Variants in HS3ST5 observed in about 807,000 individuals in gnomAD.
HS3ST5 encodes the protein heparan sulfate glucosamine 3-O-sulfotransferase 5.
In HS3ST5, 10 loss-of-function variants were observed where a neutral mutation model predicts 25.4. That is an observed-to-expected ratio of 0.39 (90% CI 0.24 to 0.67). The LOEUF is 0.67. Among genes scored for constraint, HS3ST5 ranks in the 30% least tolerant of loss-of-function variants. The pLI, the probability that HS3ST5 is intolerant of heterozygous loss-of-function variation, is 0.44. For missense variants in HS3ST5, 324 were observed against 420.7 expected, an observed-to-expected ratio of 0.77 and a Z score of 2.01; for synonymous variants, 170 against 162.4, an observed-to-expected ratio of 1.05 and a Z score of -0.36.
At chr6:114,169,188 A>AAT (rs1364548605) in intron 2 of HS3ST5, among the ~76,000 whole-genome samples, 3 of 152,266 alleles carry the variant, frequency 2.0e-5, no homozygotes, top group African/African-American at 7.2e-5. Flanking sequence ...TCATTTCACT[A>AAT]ATATATATTC....
At chr6:114,118,335 T>A (rs1238439450) in intron 3 of HS3ST5, among the ~76,000 whole-genome samples, 1 of 152,158 alleles carries the variant, frequency 6.6e-6, no homozygotes, top group African/African-American at 2.4e-5. Flanking sequence ...CTATATATAG[T>A]CAGGCAGGTA....
At chr6:114,325,116 T>C (rs1054122197) in intron 1 of HS3ST5, among the ~76,000 whole-genome samples, 14 of 152,214 alleles carry the variant, frequency 9.2e-5, no homozygotes, top group Non-Finnish European at 1.9e-4. Flanking sequence ...AATGAATGAA[T>C]TGCTAGGTTT....
chr6:114,277,185 C>T (rs1460670372), intron 1 of HS3ST5, among the ~76,000 whole-genome samples: 1 of 150,786 alleles, frequency 6.6e-6, no homozygotes, highest in Non-Finnish European at 1.5e-5. Flanking sequence ...TCACTTCCTC[C>T]TCTATAAGGA....
intron 1 of HS3ST5, among the ~76,000 whole-genome samples, chr6:114,334,346 C>T (rs148854630): frequency 2.9e-4 from 44 of 152,278 alleles, no homozygotes; most frequent in African/African-American, 1.1e-3. Flanking sequence ...TATATTGTTG[C>T]ATTCAGCTCA....
At chr6:114,101,686 A>ATGT (rs1775741298) in intron 3 of HS3ST5, among the ~76,000 whole-genome samples, 1 of 152,220 alleles carries the variant, frequency 6.6e-6, no homozygotes, top group Non-Finnish European at 1.5e-5. Context: ...TGACCCAGCA[A>ATGT]TCCCATTATT....
intron 1 of HS3ST5, among the ~76,000 whole-genome samples, chr6:114,249,372 A>C (rs187736249): frequency 1.3e-5 from 2 of 152,370 alleles, no homozygotes; most frequent in East Asian, 3.8e-4. Context: ...AAGTTACTAG[A>C]AATAACTTGT....
At chr6:114,312,631 G>C (rs1311343652) in intron 1 of HS3ST5, among the ~76,000 whole-genome samples, 1 of 151,290 alleles carries the variant, frequency 6.6e-6, no homozygotes, top group African/African-American at 2.5e-5. Flanking sequence ...TACATGTAAT[G>C]ACAAAAGACC....
At chr6:114,331,123 T>A (rs1776376889) in intron 1 of HS3ST5, among the ~76,000 whole-genome samples, 1 of 152,220 alleles carries the variant, frequency 6.6e-6, no homozygotes, top group African/African-American at 2.4e-5. Context: ...AATGGCTGAT[T>A]GTTATTGTGA....
intron 1 of HS3ST5, among the ~76,000 whole-genome samples, chr6:114,271,544 T>A (rs1008868799): frequency 6.6e-6 from 1 of 152,004 alleles, no homozygotes; most frequent in Admixed American, 6.6e-5. Flanking sequence ...ATATATTCTA[T>A]ACCTAAGAAG....
chr6:114,065,441 CTG>C (rs1773395097), intron 3 of HS3ST5, among the ~76,000 whole-genome samples: 1 of 152,178 alleles, frequency 6.6e-6, no homozygotes, highest in Non-Finnish European at 1.5e-5. Flanking sequence ...AGAAAGAAAA[CTG>C]TGTTCAAGTC....
intron 3 of HS3ST5, among the ~76,000 whole-genome samples, chr6:114,163,554 A>G (rs1299685006): frequency 6.6e-6 from 1 of 152,136 alleles, no homozygotes; most frequent in African/African-American, 2.4e-5. Flanking sequence ...GCTCTTCTCT[A>G]GGTGTGCCAT....
intron 1 of HS3ST5, among the ~76,000 whole-genome samples, chr6:114,325,679 A>G (rs1776145399): frequency 6.6e-6 from 1 of 152,160 alleles, no homozygotes; most frequent in Admixed American, 6.5e-5. Flanking sequence ...AAACAAAACA[A>G]AAAGGGAAAA....
rs961727735 is a variant in HS3ST5, at chr6:114,199,068, G to A, written c.-145+29517C>T. ...GGCAACTGTCTAGAAGTAGAACTGA[G>A]GGAATAGTGGTAGGGGTAAAAATAT... On this transcript the variant is annotated intron_variant, in intron 2 of 4. Coordinates refer to ENST00000312719, the MANE Select transcript of HS3ST5 (RefSeq NM_153612.4). Among the ~76,000 whole-genome samples the A allele has an allele frequency of 4.6e-5, 7 of 152,102 alleles. No individual in the cohort carries two copies. The South Asian group carries it at 1.5e-3, about 32-fold the overall frequency.
chr6:114,234,179 C>T lies in HS3ST5; in HGVS notation c.-338-5401G>A, dbSNP rs188552881. On this transcript the variant is annotated intron_variant, in intron 1 of 4. Coordinates refer to ENST00000312719, the MANE Select transcript of HS3ST5 (RefSeq NM_153612.4). ...TTAATCTTCGGGCTCTAAAAAACAACTTGAAGCTTGCCTAAGGCATAGTTA... is the reference window on the plus strand; with the variant it reads ...TTAATCTTCGGGCTCTAAAAAACAATTTGAAGCTTGCCTAAGGCATAGTTA... Among the ~76,000 whole-genome samples the T allele has an allele frequency of 2.3e-3, 357 of 152,246 alleles. 1 individual carries two copies. The highest frequency in any genetic ancestry group is 4.2e-3 in the Non-Finnish European group (288 of 68,022).
At chr6:114,138,748 A>G (rs1018921481) in intron 3 of HS3ST5, among the ~76,000 whole-genome samples, 8 of 152,210 alleles carry the variant, frequency 5.3e-5, no homozygotes, top group African/African-American at 1.9e-4. Context: ...AAAGATAGTA[A>G]TGGTGAGTTG....
At chr6:114,222,298 C>CAATAAAA (rs1328978747) in intron 2 of HS3ST5, among the ~76,000 whole-genome samples, 1 of 151,816 alleles carries the variant, frequency 6.6e-6, no homozygotes, top group African/African-American at 2.4e-5. Context: ...TGCCATGCCT[C>CAATAAAA]AACAAGGCCA....
At chr6:114,173,694 AC>A (rs1447063346) in intron 2 of HS3ST5, among the ~76,000 whole-genome samples, 1 of 152,108 alleles carries the variant, frequency 6.6e-6, no homozygotes, top group African/African-American at 2.4e-5. Flanking sequence ...CCCTGTCTCT[AC>A]TAAAAATATA....
intron 2 of HS3ST5, among the ~76,000 whole-genome samples, chr6:114,199,146 T>C (rs920357689): frequency 6.6e-6 from 1 of 152,280 alleles, no homozygotes; most frequent in African/African-American, 2.4e-5. Flanking sequence ...AATAGAAATA[T>C]ATAATGTTTA....
chr6:114,156,125 A>T (rs1778685433), intron 3 of HS3ST5, among the ~76,000 whole-genome samples: 1 of 152,202 alleles, frequency 6.6e-6, no homozygotes. Flanking sequence ...CTATTCTCTG[A>T]GTTTGACTCT....
Sources: allele counts gnomAD v4.1 joint callset (sites outside exome capture counted in the v4.1 genomes callset), GRCh38; gene constraint gnomAD v4.1.1; transcripts MANE v1.5; gene names NCBI Gene and HGNC (gene_info 2026-07-23, HGNC 2026-07-21).